Variants in LRRTM4 observed in about 807,000 individuals in gnomAD.
The protein encoded by LRRTM4 is leucine-rich repeat transmembrane neuronal protein 4.
LRRTM4 carries 25 observed loss-of-function variants against 47.6 expected under a neutral mutation model. That is an observed-to-expected ratio of 0.53 (90% CI 0.38 to 0.73). LRRTM4 has a LOEUF of 0.73. LRRTM4 is among the 30% of genes least tolerant of loss of function. The pLI, the probability that LRRTM4 is intolerant of heterozygous loss-of-function variation, is 0.00. For synonymous variants in LRRTM4, 311 were observed against 269.5 expected (o/e 1.15, Z -1.51); for missense variants, 638 against 713.4 (o/e 0.89, Z 1.20).
intron 3 of LRRTM4, among the ~76,000 whole-genome samples, chr2:76,881,339 C>A (rs543914021): frequency 5.9e-5 from 9 of 152,120 alleles, no homozygotes; most frequent in African/African-American, 2.2e-4. Flanking sequence ...TCACACATGG[C>A]CTATCAAGGT....
chr2:77,399,704 C>T (rs908800004), intron 3 of LRRTM4, among the ~76,000 whole-genome samples: 1 of 151,868 alleles, frequency 6.6e-6, no homozygotes, highest in Non-Finnish European at 1.5e-5. Context: ...CAGGAGGAAT[C>T]AAACACCTAA....
chr2:77,518,719 T>A lies in LRRTM4; in HGVS notation c.1150A>T (p.Ile384Phe). Residue 384 changes from isoleucine to phenylalanine, a missense_variant, in exon 3 of 4, where the codon ATC becomes TTC. By Grantham distance (21) the Ile-to-Phe change is conservative. Transcript: ENST00000409884. ...VPQTPQKPLI[I>F]PRPTIFKPDV... ...GGTTTGAAGATGGTAGGTCTAGGGA[T>A]AATCAGAGGTTTCTGGGGAGTTTGG... The A allele has an allele frequency of 6.2e-7, 1 of 1,613,502 alleles. No individual in the cohort carries two copies. Among genetic ancestry groups the A allele is most frequent in the Non-Finnish European group, 8.5e-7 (1 of 1,179,678 alleles).
intron 3 of LRRTM4, among the ~76,000 whole-genome samples, chr2:77,309,298 T>C (rs1173443097): frequency 6.6e-6 from 1 of 152,124 alleles, no homozygotes; most frequent in East Asian, 1.9e-4. Context: ...CTCCTGTACT[T>C]AAGACTCAGG....
chr2:76,829,744 G>A (rs1671280840), intron 3 of LRRTM4, among the ~76,000 whole-genome samples: 1 of 151,910 alleles, frequency 6.6e-6, no homozygotes, highest in Admixed American at 6.6e-5. Flanking sequence ...CCTTCAGAAT[G>A]TACAAGCAAT....
intron 3 of LRRTM4, among the ~76,000 whole-genome samples, chr2:77,306,243 A>T (rs1677268037): frequency 6.6e-6 from 1 of 152,184 alleles, no homozygotes; most frequent in Non-Finnish European, 1.5e-5. Context: ...TGCCTTTGTG[A>T]TATATAAGAA....
At chr2:77,404,962 CCT>C (rs1674124908) in intron 3 of LRRTM4, among the ~76,000 whole-genome samples, 1 of 152,006 alleles carries the variant, frequency 6.6e-6, no homozygotes, top group African/African-American at 2.4e-5. Context: ...ATGAACTCCC[CCT>C]TTCCTCCTTT....
chr2:77,466,699 C>T (rs1365199535), intron 3 of LRRTM4, among the ~76,000 whole-genome samples: 1 of 115,896 alleles, frequency 8.6e-6, no homozygotes, highest in African/African-American at 3.3e-5. Context: ...CAAACTATGG[C>T]AACTTTTTTT....
intron 3 of LRRTM4, among the ~76,000 whole-genome samples, chr2:77,317,303 T>C (rs1314551418): frequency 6.6e-6 from 1 of 152,168 alleles, no homozygotes; most frequent in East Asian, 1.9e-4. Context: ...ATAATCAAAG[T>C]AATCAGTTTT....
intron 3 of LRRTM4, chr2:77,008,901 C>G (rs1463368884): frequency 7.0e-6 from 1 of 143,414 alleles, no homozygotes; most frequent in Non-Finnish European, 1.5e-5. Context: ...CTGTATCATA[C>G]AGTATGCTAG....
At chr2:77,022,840 C>T (rs189556200) in intron 3 of LRRTM4, among the ~76,000 whole-genome samples, 26 of 152,210 alleles carry the variant, frequency 1.7e-4, no homozygotes, top group African/African-American at 5.3e-4. Context: ...TTTCAAGGCT[C>T]GCGTTGTAAG....
chr2:77,430,837 G>C (rs767132910), intron 3 of LRRTM4, among the ~76,000 whole-genome samples: 1 of 148,562 alleles, frequency 6.7e-6, no homozygotes, highest in Non-Finnish European at 1.5e-5. Context: ...TGTCATGTAA[G>C]TTGGGGGACT....
intron 3 of LRRTM4, among the ~76,000 whole-genome samples, chr2:77,425,114 C>T (rs1469544632): frequency 6.6e-6 from 1 of 152,134 alleles, no homozygotes; most frequent in East Asian, 1.9e-4. Flanking sequence ...ATTTAACAAT[C>T]TTTAAAGATT....
At chr2:77,198,054 T>C (rs1444966168) in intron 3 of LRRTM4, among the ~76,000 whole-genome samples, 1 of 152,192 alleles carries the variant, frequency 6.6e-6, no homozygotes, top group Non-Finnish European at 1.5e-5. Context: ...TGTTGCAGTA[T>C]AGTAAAATTC....
chr2:76,775,406 A>G (rs1450273621), intron 3 of LRRTM4, among the ~76,000 whole-genome samples: 1 of 152,182 alleles, frequency 6.6e-6, no homozygotes, highest in Non-Finnish European at 1.5e-5. Flanking sequence ...GACCATGTAG[A>G]TGCCTTTGGT....
chr2:76,804,175 C>A (rs946947280), intron 3 of LRRTM4, among the ~76,000 whole-genome samples: 2 of 152,114 alleles, frequency 1.3e-5, no homozygotes, highest in Admixed American at 1.3e-4. Flanking sequence ...CCTACTAAAC[C>A]TGGAGATGGT....
intron 3 of LRRTM4, among the ~76,000 whole-genome samples, chr2:77,324,712 T>C (rs1421167025): frequency 6.6e-6 from 1 of 152,178 alleles, no homozygotes; most frequent in African/African-American, 2.4e-5. Context: ...GGCCATCTTA[T>C]AGATTTTGGG....
At chr2:77,294,086 T>A (rs1676903492) in intron 3 of LRRTM4, among the ~76,000 whole-genome samples, 1 of 152,154 alleles carries the variant, frequency 6.6e-6, no homozygotes, top group East Asian at 1.9e-4. Flanking sequence ...TGTGTGTACA[T>A]CAAAAACATG....
chr2:77,117,795 C>G (rs928856637), intron 3 of LRRTM4, among the ~76,000 whole-genome samples: 4 of 151,750 alleles, frequency 2.6e-5, no homozygotes, highest in African/African-American at 9.7e-5. Context: ...CTCAGACATC[C>G]TAAAAACATT....
At chr2:76,855,436 T>A (rs1024576448) in intron 3 of LRRTM4, among the ~76,000 whole-genome samples, 1 of 152,224 alleles carries the variant, frequency 6.6e-6, no homozygotes, top group African/African-American at 2.4e-5. Flanking sequence ...TTGCCTTATT[T>A]GATAAATAAT....
Sources: gnomAD v4.1 joint callset for allele counts (sites outside exome capture counted in the v4.1 genomes callset) on GRCh38, gnomAD v4.1.1 for gene constraint, MANE v1.5 for transcripts, NCBI Gene and HGNC (gene_info 2026-07-23, HGNC 2026-07-21) for gene names.